The following HEATR5A variants were observed in gnomAD, a reference collection of about 807,000 sequenced individuals.
HEATR5A encodes HEAT repeat-containing protein 5A.
Under a neutral mutation model 218.8 loss-of-function variants are expected in HEATR5A, and 178 were observed. The observed-to-expected ratio is 0.81, with a 90% confidence interval of 0.72 to 0.92. HEATR5A has a LOEUF of 0.92. HEATR5A is among the 40% of genes least tolerant of loss of function. The probability of loss-of-function intolerance (pLI) is 0.00; values close to 1 mark genes in which losing one functional copy is unlikely to be tolerated. For missense variants in HEATR5A, 2,420 were observed against 2,418.9 expected, an observed-to-expected ratio of 1.00 and a Z score of -0.01; for synonymous variants, 864 against 871.6, an observed-to-expected ratio of 0.99 and a Z score of 0.15.
At chr14:31,315,185 T>C (rs751587937) in intron 27 of HEATR5A, among the ~76,000 whole-genome samples, 1 of 152,006 alleles carries the variant, frequency 6.6e-6, no homozygotes, top group Non-Finnish European at 1.5e-5. Flanking sequence ...AAAAAAATTA[T>C]ATGTGAACCA....
In HEATR5A at chr14:31,295,972, G is replaced by A; in HGVS notation, c.5556C>T (p.Ile1852=). Residue 1852 remains isoleucine (I), a synonymous_variant, in exon 34 of 36, where the codon ATC becomes ATT. Transcript: ENST00000543095. The part of the protein sequence containing the change: ...ILSTSPEVTT[I]PCLQKRCIDK... ...CAATACAGCGCTTCTGAAGGCATGGGATGGTAGTTACTTCTGGACTGGTAG... is the reference window on the plus strand; with the variant it reads ...CAATACAGCGCTTCTGAAGGCATGGAATGGTAGTTACTTCTGGACTGGTAG... 6.2e-7 allele frequency: 1 copy of A among 1,613,378 alleles called. No homozygotes were observed. The highest frequency in any genetic ancestry group is 8.5e-7 in the Non-Finnish European group (1 of 1,179,428).
rs755517014 is a variant in HEATR5A at position 31,309,141 on chromosome 14, A to G, written c.4483T>C (p.Leu1495=). 3.7e-6 allele frequency: 6 copies of G among 1,613,824 alleles called. No individual in the cohort carries two copies. The Admixed American group carries it at 6.7e-5, about 18-fold the overall frequency. The part of the protein sequence containing the change: ...YTAETSENAK[L]HYYNSWALIL... ...AGTGCCCAGGAGTTGTAATAATGCA[A>G]TTTTGCATTTTCACTAGTCTCTGCT... is the stretch of plus-strand genomic sequence containing the variant. The change falls in exon 29 of 36, where the codon TTG becomes CTG. Residue 1495 remains leucine, a synonymous_variant. Transcript: ENST00000543095.
At position 31,313,054 on chromosome 14, in the gene HEATR5A, G is replaced by C. The variant is rs759873413; in HGVS notation, c.4355C>G (p.Thr1452Arg). 1.9e-6 allele frequency: 3 copies of C among 1,613,850 alleles called. No homozygotes were observed. Among genetic ancestry groups the C allele is most frequent in the African/African-American group, 2.7e-5 (2 of 74,934 alleles). ...LLDLVYADLG[T>R]LSRLWLAALQ... ...TGCAGCAAGCCAGAGTCTGCTTAGTGTGCCAAGATCTGCATAGACTAAGTC... is the reference window on the plus strand; with the variant it reads ...TGCAGCAAGCCAGAGTCTGCTTAGTCTGCCAAGATCTGCATAGACTAAGTC... The change falls in exon 28 of 36, where the codon ACA (threonine) becomes AGA (arginine). Residue 1452 changes from threonine to arginine, a missense_variant. By Grantham distance (71) the Thr-to-Arg change is moderately conservative (BLOSUM62 -1). Transcript: ENST00000543095.
At chr14:31,315,995 C>G in intron 26 of HEATR5A, 46 bp from the exon 27 acceptor site, 1 of 1,424,390 alleles carries the variant, frequency 7.0e-7, no homozygotes, top group Non-Finnish European at 9.4e-7. Flanking sequence ...TTATAAGTAT[C>G]TCCCTTGGCT....
chr14:31,295,838 TCA>T (rs756669440), intron 34 of HEATR5A, 69 bp downstream of exon 34: 380 of 1,292,200 alleles, frequency 2.9e-4, no homozygotes, highest in Non-Finnish European at 4.0e-4. Context: ...GCCAACAAAA[TCA>T]CACAGAAAAT....
chr14:31,306,071 C>T lies in HEATR5A; in HGVS notation c.4966+661G>A, dbSNP rs930989884. Among the ~76,000 whole-genome samples the T allele has an allele frequency of 9.2e-5, 14 of 152,152 alleles. No individual in the cohort carries two copies. The East Asian group carries it at 9.6e-4, about 10-fold the overall frequency. On this transcript the variant is annotated intron_variant, in intron 31 of 35. Coordinates refer to ENST00000543095, the MANE Select transcript of HEATR5A (RefSeq NM_015473.4). ...ACAGCTAAAGCAAGTATTCTAGTAGCGTAAGGGATTTATTTCTTCCAGGTT... is the reference window on the plus strand; with the variant it reads ...ACAGCTAAAGCAAGTATTCTAGTAGTGTAAGGGATTTATTTCTTCCAGGTT...
intron 22 of HEATR5A, among the ~76,000 whole-genome samples, chr14:31,336,213 C>CACACACACATATATAT (rs758047507): frequency 1.4e-4 from 13 of 90,740 alleles, no homozygotes; most frequent in African/African-American, 4.7e-4. Context: ...TATATACATA[C>CACACACACATATATAT]ATACATATAT....
chr14:31,308,896 C>G, intron 29 of HEATR5A, 38 bp downstream of exon 29: 2 of 1,553,196 alleles, frequency 1.3e-6, no homozygotes, highest in Non-Finnish European at 1.7e-6. Flanking sequence ...AACAAAAAAC[C>G]CCTAAGGTTG....
At chr14:31,341,190 TTA>T (rs1900826881) in intron 21 of HEATR5A, among the ~76,000 whole-genome samples, 1 of 152,212 alleles carries the variant, frequency 6.6e-6, no homozygotes, top group Non-Finnish European at 1.5e-5. Context: ...AGCTTGAATA[TTA>T]TGAGTTAACA....
At chr14:31,408,876 G>A (rs1356759041) in intron 1 of HEATR5A, among the ~76,000 whole-genome samples, 1 of 139,682 alleles carries the variant, frequency 7.2e-6, no homozygotes, top group Non-Finnish European at 1.5e-5. Context: ...CGGATCACGA[G>A]GTCAGGAGAT....
rs1401094406 is a variant in HEATR5A, at chr14:31,322,778, C to T, written c.3787+787G>A. Among the ~76,000 whole-genome samples the T allele has an allele frequency of 2.7e-5, 4 of 147,556 alleles. No homozygotes were observed. In the South Asian group the frequency reaches 8.6e-4, roughly 32 times the overall value. ...AGGTTACAGTGAGCTGTGATCATGC[C>T]ACTGCACTCCAGCCTGGGTGACAGA... is the stretch of plus-strand genomic sequence containing the variant. On this transcript the variant is annotated intron_variant, in intron 24 of 35. Coordinates refer to ENST00000543095, the MANE Select transcript of HEATR5A (RefSeq NM_015473.4).
chr14:31,388,734 T>C (rs1038814044), intron 7 of HEATR5A, 111 bp downstream of exon 7: 4 of 768,646 alleles, frequency 5.2e-6, no homozygotes, highest in Non-Finnish European at 8.5e-6. Context: ...TTTATAGATA[T>C]GAGAGCATAA....
intron 4 of HEATR5A, 82 bp downstream of exon 4, chr14:31,398,591 A>T: frequency 1.4e-6 from 1 of 704,110 alleles, no homozygotes; most frequent in South Asian, 1.9e-5. Context: ...TGACATATGT[A>T]AAGCTCTTTG....
At position 31,397,344 on chromosome 14, in the gene HEATR5A, T is replaced by A. The variant is rs577708406; in HGVS notation, c.447+1329A>T. ...TGTGATGTTTTTAGATTTTTTTTTTTAAATAAATATTTTTTAAGAGACACG... is the reference window on the plus strand; with the variant it reads ...TGTGATGTTTTTAGATTTTTTTTTTAAAATAAATATTTTTTAAGAGACACG... On this transcript the variant is annotated intron_variant, in intron 4 of 35. Transcript: ENST00000543095. 3.1e-3 allele frequency among the ~76,000 whole-genome samples: 477 copies of A among 151,928 alleles called. 6 individuals are homozygous for A. The highest frequency in any genetic ancestry group is 4.5e-3 in the Non-Finnish European group (306 of 67,972).
At chr14:31,311,007 C>G (rs1899729836) in intron 28 of HEATR5A, among the ~76,000 whole-genome samples, 1 of 150,316 alleles carries the variant, frequency 6.7e-6, no homozygotes, top group African/African-American at 2.5e-5. Flanking sequence ...CCAGCAACAC[C>G]CTGTCTCTAA....
chr14:31,306,646 T>C lies in HEATR5A; in HGVS notation c.4966+86A>G, dbSNP rs1204613035. On this transcript the variant is annotated intron_variant, in intron 31 of 35. Coordinates refer to ENST00000543095, the MANE Select transcript of HEATR5A (RefSeq NM_015473.4). ...TTTATTTGTACCACACACAAAAGAT[T>C]ATCAAAACTATATAGATACATTAAA... 13 of 1,321,528 alleles carry C rather than the reference T, an allele frequency of 9.8e-6. No individual in the cohort carries two copies. In the Admixed American group the frequency reaches 3.7e-4, roughly 38 times the overall value. 81.9% of individuals were successfully genotyped at this position (1,321,528 alleles called of 1,614,324 possible).
chr14:31,372,216 A>T (rs1376885531), intron 12 of HEATR5A, among the ~76,000 whole-genome samples: 1 of 148,816 alleles, frequency 6.7e-6, no homozygotes. Flanking sequence ...AAAAAAAACC[A>T]GCTTAGACTC....
At chr14:31,387,722 G>A (rs2139284280) in intron 7 of HEATR5A, among the ~76,000 whole-genome samples, 1 of 152,230 alleles carries the variant, frequency 6.6e-6, no homozygotes, top group South Asian at 2.1e-4. Flanking sequence ...ACCAAGCCCG[G>A]CTAATTTTTT....
intron 6 of HEATR5A, among the ~76,000 whole-genome samples, chr14:31,390,488 A>G (rs539466816): frequency 3.1e-4 from 47 of 152,360 alleles, no homozygotes; most frequent in African/African-American, 1.1e-3. Context: ...ACATAAATAT[A>G]TATTTTAAAC....
Sources: gnomAD v4.1 joint callset for allele counts (sites outside exome capture counted in the v4.1 genomes callset) on GRCh38, gnomAD v4.1.1 for gene constraint, MANE v1.5 for transcripts, NCBI Gene and HGNC (gene_info 2026-07-23, HGNC 2026-07-21) for gene names.